Variants in PGAP1 observed in about 807,000 individuals in gnomAD.
PGAP1 encodes the protein post-GPI attachment to proteins inositol deacylase 1.
A neutral mutation model predicts 127.0 loss-of-function variants in PGAP1; 76 were observed. That is an observed-to-expected ratio of 0.60 (90% CI 0.50 to 0.72). The LOEUF is 0.72. PGAP1 is among the 30% of genes least tolerant of loss of function. The pLI is 0.00. For synonymous variants in PGAP1, 362 were observed against 366.5 expected, an observed-to-expected ratio of 0.99 and a Z score of 0.14; for missense variants, 982 against 1,071.3, an observed-to-expected ratio of 0.92 and a Z score of 1.16.
chr2:196,912,832 T>G, intron 4 of PGAP1, 50 bp downstream of exon 4: 1 of 1,476,578 alleles, frequency 6.8e-7, no homozygotes, highest in Non-Finnish European at 9.1e-7. Context: ...ATTGATTTAT[T>G]TAATCTTAAA....
rs59749746 is a variant in PGAP1 at position 196,841,029 on chromosome 2, C to G, written c.*205G>C. 50,156 of 542,230 alleles carry G rather than the reference C, an allele frequency of 0.092. 2,975 individuals are homozygous for G. The highest frequency in any genetic ancestry group is 0.21 in the African/African-American group (10,925 of 52,466). The allele number at this position is 542,230 out of a possible 1,614,324, so 33.6% of individuals were successfully genotyped here. A position where few individuals can be genotyped will look rare whatever the true frequency, so the allele number is the denominator to read the frequency against. Reference sequence around the variant, plus strand: ...TTCATGAATTTTTCAAAAATGATTACTACATGGATTCCACACCACAAAACA... The same window carrying G: ...TTCATGAATTTTTCAAAAATGATTAGTACATGGATTCCACACCACAAAACA... On this transcript the variant is annotated 3_prime_UTR_variant, in exon 27 of 27. Transcript: ENST00000354764.
At chr2:196,857,538 T>TAA (rs1170988419) in intron 20 of PGAP1, among the ~76,000 whole-genome samples, 1 of 152,110 alleles carries the variant, frequency 6.6e-6, no homozygotes, top group African/African-American at 2.4e-5. Context: ...AACTATGGGG[T>TAA]GATTGATCAG....
Position 196,835,793 on chromosome 2 carries a change from G to A in PGAP1, c.*5441C>T, listed in dbSNP as rs1001607209. 1 of 152,380 alleles carries A rather than the reference G, an allele frequency of 6.6e-6. No homozygotes were observed. The highest frequency in any genetic ancestry group is 1.5e-5 in the Non-Finnish European group (1 of 67,874). 9.4% of individuals were successfully genotyped at this position (152,380 alleles called of 1,614,324 possible). Reference sequence around the variant, plus strand: ...TTCCAATGCACAGCTTTATGCTAAAGAGAATTCAAATGTGTCTCTTTTTTT... The same window carrying A: ...TTCCAATGCACAGCTTTATGCTAAAAAGAATTCAAATGTGTCTCTTTTTTT... On this transcript the variant is annotated 3_prime_UTR_variant, in exon 27 of 27. Transcript: ENST00000354764.
chr2:196,874,706 C>T (rs913140213), intron 14 of PGAP1, among the ~76,000 whole-genome samples: 21 of 152,058 alleles, frequency 1.4e-4, no homozygotes, highest in African/African-American at 3.6e-4. Flanking sequence ...AATACATAAC[C>T]TCAATCTAAT....
chr2:196,895,095 A>G (rs1217661046), intron 7 of PGAP1, among the ~76,000 whole-genome samples: 1 of 152,168 alleles, frequency 6.6e-6, no homozygotes, highest in African/African-American at 2.4e-5. Context: ...AGTCAATTAC[A>G]CATAGTGAGT....
intron 2 of PGAP1, among the ~76,000 whole-genome samples, chr2:196,916,961 A>G (rs1037334334): frequency 6.6e-6 from 1 of 152,208 alleles, no homozygotes; most frequent in African/African-American, 2.4e-5. Context: ...GGTTCCTACA[A>G]GAAATATCCA....
intron 19 of PGAP1, among the ~76,000 whole-genome samples, chr2:196,870,442 G>C (rs1701375754): frequency 6.6e-6 from 1 of 151,870 alleles, no homozygotes; most frequent in South Asian, 2.1e-4. Flanking sequence ...GACTACAGGT[G>C]TATGCCAGCA....
chr2:196,920,234 A>C, intron 1 of PGAP1, 84 bp from the exon 2 acceptor site: 2 of 1,203,680 alleles, frequency 1.7e-6, no homozygotes, highest in African/African-American at 1.5e-5. Context: ...GAATTACGCA[A>C]ATTTGAAATA....
chr2:196,852,104 T>A (rs544916530), intron 20 of PGAP1, among the ~76,000 whole-genome samples: 2 of 152,318 alleles, frequency 1.3e-5, no homozygotes, highest in African/African-American at 4.8e-5. Flanking sequence ...ACCAGTGAGT[T>A]TGTATTACTA....
At chr2:196,913,494 C>A (rs756464746) in intron 3 of PGAP1, among the ~76,000 whole-genome samples, 8 of 152,212 alleles carry the variant, frequency 5.3e-5, no homozygotes, top group Non-Finnish European at 1.0e-4. Context: ...ATGTTGTTAT[C>A]TTTTATCTCA....
intron 20 of PGAP1, among the ~76,000 whole-genome samples, chr2:196,863,810 C>G (rs952529608): frequency 6.6e-6 from 1 of 151,982 alleles, no homozygotes; most frequent in African/African-American, 2.4e-5. Context: ...AATTCCTGAC[C>G]TCAGGTGATC....
rs865859853 is a variant in PGAP1, at chr2:196,919,992, C to T, written c.301+5G>A. 37 of 1,603,506 alleles carry T rather than the reference C, an allele frequency of 2.3e-5. No homozygotes were observed. Among genetic ancestry groups the T allele is most frequent in the Non-Finnish European group, 2.8e-5 (33 of 1,176,672 alleles). On this transcript the variant is annotated splice_donor_5th_base_variant and intron_variant, in intron 2 of 26. Coordinates refer to ENST00000354764, the MANE Select transcript of PGAP1 (RefSeq NM_024989.4). The stretch of plus-strand genomic sequence containing the variant: ...CTTTCAAAATTTACTTCCAGTAAGA[C>T]TTACCTTGCTTATAACTTCCAGCAT...
At chr2:196,884,179 A>G (rs1055152396) in intron 12 of PGAP1, among the ~76,000 whole-genome samples, 8 of 152,218 alleles carry the variant, frequency 5.3e-5, no homozygotes, top group African/African-American at 1.9e-4. Flanking sequence ...TATAGGCTGG[A>G]TAGAACATCC....
At position 196,876,836 on chromosome 2, in the gene PGAP1, C is replaced by T. The variant is rs542921561; in HGVS notation, c.1351-1015G>A. Among the ~76,000 whole-genome samples, 8 of 152,142 alleles carry T rather than the reference C, an allele frequency of 5.3e-5. No homozygotes were observed. The South Asian group carries it at 1.7e-3, about 32-fold the overall frequency. On this transcript the variant is annotated intron_variant, in intron 13 of 26. Transcript: ENST00000354764. ...AATTGCTATTAGATTAATCCATACACTTGGGGGAATAAAAGAAAAAACTTT... is the reference window on the plus strand; with the variant it reads ...AATTGCTATTAGATTAATCCATACATTTGGGGGAATAAAAGAAAAAACTTT...
At chr2:196,863,441 A>G (rs963831334) in intron 20 of PGAP1, among the ~76,000 whole-genome samples, 2 of 152,220 alleles carry the variant, frequency 1.3e-5, no homozygotes, top group African/African-American at 4.8e-5. Flanking sequence ...TAACTGAAGT[A>G]CATTATGCTA....
chr2:196,902,019 C>T (rs1702508910), intron 5 of PGAP1, among the ~76,000 whole-genome samples: 1 of 151,842 alleles, frequency 6.6e-6, no homozygotes. Context: ...TTTGTACTTA[C>T]TTTTTTTTGT....
intron 3 of PGAP1, among the ~76,000 whole-genome samples, chr2:196,914,482 G>A (rs957499823): frequency 6.6e-5 from 10 of 152,008 alleles, no homozygotes; most frequent in South Asian, 2.1e-4. Flanking sequence ...TTAGCTGGGC[G>A]TGGTGGCACA....
intron 5 of PGAP1, among the ~76,000 whole-genome samples, chr2:196,899,828 G>A (rs1442813347): frequency 1.3e-5 from 2 of 152,246 alleles, no homozygotes; most frequent in Non-Finnish European, 2.9e-5. Flanking sequence ...GAGGTCAGGA[G>A]TTGGAGACCA....
At chr2:196,844,623 A>C in intron 23 of PGAP1, 49 bp from the exon 24 acceptor site, 1 of 1,301,218 alleles carries the variant, frequency 7.7e-7, no homozygotes, top group Non-Finnish European at 1.1e-6. Flanking sequence ...TTGAAACAAA[A>C]CATATAAGCC....
Sources: gnomAD v4.1 joint callset for allele counts (sites outside exome capture counted in the v4.1 genomes callset) on GRCh38, gnomAD v4.1.1 for gene constraint, MANE v1.5 for transcripts, NCBI Gene and HGNC (gene_info 2026-07-23, HGNC 2026-07-21) for gene names.